Variants in PALM2AKAP2 observed in about 807,000 individuals in gnomAD.
PALM2AKAP2 encodes the protein PALM2 and AKAP2 fusion.
PALM2AKAP2 carries 37 observed loss-of-function variants against 71.5 expected under a neutral mutation model. The observed-to-expected ratio is 0.52, with a 90% CI of 0.40 to 0.68. PALM2AKAP2 has a LOEUF of 0.68. Ranked by LOEUF, PALM2AKAP2 falls within the 30% of genes least tolerant of loss-of-function variation. The pLI, the probability that PALM2AKAP2 is intolerant of heterozygous loss-of-function variation, is 0.00. For synonymous variants in PALM2AKAP2, 468 were observed against 478.8 expected, an observed-to-expected ratio of 0.98 and a Z score of 0.29; for missense variants, 1,224 against 1,191.8, an observed-to-expected ratio of 1.03 and a Z score of -0.40.
intron 1 of PALM2AKAP2, among the ~76,000 whole-genome samples, chr9:110,112,938 G>T (rs62578863): frequency 0.062 from 9,518 of 152,320 alleles, 348 homozygotes; most frequent in Middle Eastern, 0.11. Context: ...CTCAACAAAG[G>T]TTATGAGCAC....
At chr9:109,841,189 A>T (rs1475726493) in intron 1 of PALM2AKAP2, among the ~76,000 whole-genome samples, 4 of 152,186 alleles carry the variant, frequency 2.6e-5, no homozygotes, top group Admixed American at 1.3e-4. Context: ...TGCTGCCATA[A>T]AAAAGGATGA....
intron 1 of PALM2AKAP2, among the ~76,000 whole-genome samples, chr9:109,678,129 T>A (rs1381820093): frequency 6.6e-6 from 1 of 152,144 alleles, no homozygotes; most frequent in Non-Finnish European, 1.5e-5. Context: ...TTCTTAGTAG[T>A]GAGGCTTGAG....
intron 1 of PALM2AKAP2, among the ~76,000 whole-genome samples, chr9:110,059,053 C>T (rs909348200): frequency 1.3e-5 from 2 of 152,028 alleles, no homozygotes; most frequent in African/African-American, 4.8e-5. Context: ...GCATGTGCCA[C>T]CACGCCCACG....
intron 1 of PALM2AKAP2, chr9:110,127,906 C>G (rs904159786): frequency 4.6e-5 from 7 of 152,326 alleles, no homozygotes; most frequent in African/African-American, 1.7e-4. Flanking sequence ...AGTCTGTGAG[C>G]GTCTTGCTGG....
chr9:109,836,244 C>T (rs1307696184), intron 1 of PALM2AKAP2, among the ~76,000 whole-genome samples: 2 of 152,192 alleles, frequency 1.3e-5, no homozygotes, highest in South Asian at 2.1e-4. Context: ...TCTGCAGCCT[C>T]GGCTGCTGAT....
At chr9:109,725,132 C>A (rs898732142) in intron 1 of PALM2AKAP2, among the ~76,000 whole-genome samples, 1 of 152,076 alleles carries the variant, frequency 6.6e-6, no homozygotes, top group Non-Finnish European at 1.5e-5. Context: ...ATTTTTCTCC[C>A]ATCAGAATGA....
At position 110,030,195 on chromosome 9, in the gene PALM2AKAP2, A is replaced by C. The variant is rs1235246588; in HGVS notation, c.582+14156A>C. Among the ~76,000 whole-genome samples, 4 of 152,294 alleles carry C rather than the reference A, an allele frequency of 2.6e-5. No individual in the cohort carries two copies. In the East Asian group the frequency reaches 7.7e-4, roughly 29 times the overall value. On this transcript the variant is annotated intron_variant, in intron 7 of 9. Transcript: ENST00000302798. ...GAGGAAACGGAGATAGGAAGTGTGG[A>C]GATAGGAAGTGGGGGGAAGGGCAGT...
At chr9:110,091,520 T>A (rs1834711803) in intron 1 of PALM2AKAP2, among the ~76,000 whole-genome samples, 1 of 138,540 alleles carries the variant, frequency 7.2e-6, no homozygotes, top group South Asian at 2.3e-4. Flanking sequence ...TGGGGTGCAG[T>A]AGCACGATCT....
chr9:109,810,188 T>C (rs990916608), intron 1 of PALM2AKAP2, among the ~76,000 whole-genome samples: 4 of 152,156 alleles, frequency 2.6e-5, no homozygotes, highest in African/African-American at 9.7e-5. Flanking sequence ...AAAAGAGACG[T>C]CTGGGCTGGC....
chr9:109,892,947 C>A (rs934212243), intron 3 of PALM2AKAP2, among the ~76,000 whole-genome samples: 12 of 152,102 alleles, frequency 7.9e-5, no homozygotes, highest in African/African-American at 2.9e-4. Context: ...TATAAACAAT[C>A]TCAAATTGTT....
chr9:109,743,403 T>C (rs1349815523), intron 1 of PALM2AKAP2, among the ~76,000 whole-genome samples: 3 of 152,128 alleles, frequency 2.0e-5, no homozygotes. Context: ...CATTAGAATT[T>C]AGAGTTAGGT....
intron 1 of PALM2AKAP2, among the ~76,000 whole-genome samples, chr9:109,705,480 T>C (rs774412470): frequency 7.2e-5 from 11 of 152,220 alleles, no homozygotes; most frequent in African/African-American, 2.7e-4. Context: ...TCTTCCTGTG[T>C]CATCTCCTGT....
intron 6 of PALM2AKAP2, among the ~76,000 whole-genome samples, chr9:109,963,942 G>T (rs1028177937): frequency 3.9e-5 from 6 of 152,166 alleles, no homozygotes; most frequent in Admixed American, 3.9e-4. Flanking sequence ...AGAGCAGAGG[G>T]TACAAAGAGT....
rs747942871 is a variant in PALM2AKAP2 at position 110,137,886 on chromosome 9, A to C, written c.1916A>C (p.Tyr639Ser). ...AAGTCATTTAGTGATCATGGTTTCT[A>C]TTCCCCTTCCTCCACGCTGGGGGAC... Residue 639 changes from tyrosine to serine, a missense_variant, in exon 2 of 4, where the codon TAT (tyrosine) becomes TCT (serine). By Grantham distance (144) the Tyr-to-Ser change is moderately radical (BLOSUM62 -2). Transcript: ENST00000374525. The C allele has an allele frequency of 1.9e-6, 3 of 1,614,056 alleles. No individual in the cohort carries two copies. The African/African-American group carries it at 4.0e-5, about 22-fold the overall frequency.
chr9:109,805,208 G>A (rs1030921709), intron 1 of PALM2AKAP2, among the ~76,000 whole-genome samples: 1 of 152,144 alleles, frequency 6.6e-6, no homozygotes, highest in African/African-American at 2.4e-5. Context: ...ACCTCCTCCT[G>A]CAGCTCTGTT....
chr9:109,669,486 CTT>C (rs1827543593), intron 1 of PALM2AKAP2, among the ~76,000 whole-genome samples: 1 of 151,934 alleles, frequency 6.6e-6, no homozygotes. Flanking sequence ...GTGTCTTCCT[CTT>C]TTATTTTCTG....
intron 6 of PALM2AKAP2, among the ~76,000 whole-genome samples, chr9:109,949,875 A>G (rs1380661266): frequency 1.3e-5 from 2 of 152,232 alleles, no homozygotes; most frequent in East Asian, 1.9e-4. Flanking sequence ...AGTAATTGCC[A>G]CATTTGAGGT....
intron 1 of PALM2AKAP2, among the ~76,000 whole-genome samples, chr9:109,770,836 T>C (rs1429566196): frequency 6.6e-6 from 1 of 152,188 alleles, no homozygotes; most frequent in Admixed American, 6.5e-5. Context: ...AATTAGAAAA[T>C]AGAATTCATT....
intron 2 of PALM2AKAP2, among the ~76,000 whole-genome samples, chr9:109,869,414 C>T (rs1217107083): frequency 6.6e-6 from 1 of 151,958 alleles, no homozygotes; most frequent in East Asian, 1.9e-4. Flanking sequence ...CTGCAAGCTC[C>T]GCCTCCCAGG....
Sources: gnomAD v4.1 joint callset for allele counts (sites outside exome capture counted in the v4.1 genomes callset) on GRCh38, gnomAD v4.1.1 for gene constraint, MANE v1.5 for transcripts, NCBI Gene and HGNC (gene_info 2026-07-23, HGNC 2026-07-21) for gene names.